The following FLT1 variants were observed in gnomAD, a reference collection of about 807,000 sequenced individuals.
FLT1 encodes fms related receptor tyrosine kinase 1, also known as vascular endothelial growth factor receptor 1.
Under a neutral mutation model 156.3 loss-of-function variants are expected in FLT1, and 49 were observed. The observed-to-expected ratio is 0.31, with a 90% CI of 0.25 to 0.40. The LOEUF (loss-of-function observed/expected upper bound fraction) is 0.40. FLT1 is among the 10% of genes least tolerant of loss of function. The pLI is 1.00. For missense variants in FLT1, 1,322 were observed against 1,637.2 expected (o/e 0.81, Z 3.32); for synonymous variants, 594 against 583.8 (o/e 1.02, Z -0.25).
intron 1 of FLT1, among the ~76,000 whole-genome samples, chr13:28,483,122 G>T (rs1880954687): frequency 6.6e-6 from 1 of 152,160 alleles, no homozygotes; most frequent in Admixed American, 6.5e-5. Context: ...TCAAAGAACA[G>T]CAGTGAACAA....
rs1280477832 is a variant in FLT1 at position 28,301,581 on chromosome 13, C to T, written c.*1586G>A. On this transcript the variant is annotated 3_prime_UTR_variant, in exon 30 of 30. Coordinates refer to ENST00000282397, the MANE Select transcript of FLT1 (RefSeq NM_002019.4). ...TTACATGGATAAAAGGAAGCATACT[C>T]TTCTCCCCAAGAAGCAGCAATCCAC... 4 of 233,304 alleles carry T rather than the reference C, an allele frequency of 1.7e-5. No homozygotes were observed. 14.5% of individuals were successfully genotyped at this position (233,304 alleles called of 1,614,324 possible).
chr13:28,320,507 C>T (rs951560559), intron 23 of FLT1, among the ~76,000 whole-genome samples: 4 of 151,650 alleles, frequency 2.6e-5, no homozygotes, highest in Admixed American at 6.6e-5. Context: ...GACACAAATT[C>T]GTAAACTTTC....
At chr13:28,404,723 T>G (rs1875674018) in intron 11 of FLT1, among the ~76,000 whole-genome samples, 1 of 152,148 alleles carries the variant, frequency 6.6e-6, no homozygotes, top group Non-Finnish European at 1.5e-5. Flanking sequence ...TGTTTTTTCT[T>G]TTTAAAAGAA....
At chr13:28,445,968 G>A (rs898675145) in intron 3 of FLT1, among the ~76,000 whole-genome samples, 4 of 151,850 alleles carry the variant, frequency 2.6e-5, no homozygotes, top group African/African-American at 7.3e-5. Flanking sequence ...ATGCCCAAGT[G>A]GGATTTTTTT....
chr13:28,386,841 A>T, intron 13 of FLT1: 1 of 1,049,014 alleles, frequency 9.5e-7, no homozygotes, highest in Non-Finnish European at 1.2e-6. Flanking sequence ...GAAATATCTC[A>T]TTTAAAACTC....
At chr13:28,380,899 A>C (rs1361848541) in intron 14 of FLT1, among the ~76,000 whole-genome samples, 1 of 152,182 alleles carries the variant, frequency 6.6e-6, no homozygotes, top group African/African-American at 2.4e-5. Flanking sequence ...CTGTGTGGTC[A>C]GAATTATCCC....
intron 29 of FLT1, among the ~76,000 whole-genome samples, chr13:28,306,355 C>A (rs2138806519): frequency 6.6e-6 from 1 of 152,348 alleles, no homozygotes; most frequent in East Asian, 1.9e-4. Context: ...TCCTCTCCCA[C>A]CGCCGGGAGC....
intron 13 of FLT1, chr13:28,387,632 G>A: frequency 9.4e-7 from 1 of 1,064,970 alleles, no homozygotes; most frequent in African/African-American, 1.6e-5. Flanking sequence ...GTTTGGAATG[G>A]GGACTGAGGA....
chr13:28,493,742 C>T (rs1287468004), intron 1 of FLT1, among the ~76,000 whole-genome samples: 1 of 152,236 alleles, frequency 6.6e-6, no homozygotes, highest in African/African-American at 2.4e-5. Flanking sequence ...AGTCCGAACC[C>T]TCAAGTTCCT....
At position 28,311,704 on chromosome 13, in the gene FLT1, G is replaced by A. The variant is rs2138813880; in HGVS notation, c.3521C>T (p.Ala1174Val). The A allele has an allele frequency of 6.2e-7, 1 of 1,613,848 alleles. No homozygotes were observed. The highest frequency in any genetic ancestry group is 8.5e-7 in the Non-Finnish European group (1 of 1,179,814). The change falls in exon 27 of 30, where the codon GCC becomes GTC. Residue 1174 changes from alanine to valine, a missense_variant. Transcript: ENST00000282397. The part of the protein sequence containing the change: ...QDGKDYIPIN[A>V]ILTGNSGFTY... ...AAACCCACTATTTCCTGTCAGTATGGCATTGATTGGGATGTAGTCTTTACC... is the reference window on the plus strand; with the variant it reads ...AAACCCACTATTTCCTGTCAGTATGACATTGATTGGGATGTAGTCTTTACC...
chr13:28,431,069 A>G, intron 7 of FLT1, 67 bp downstream of exon 7: 1 of 1,377,240 alleles, frequency 7.3e-7, no homozygotes, highest in Non-Finnish European at 1.0e-6. Context: ...TGACTTATTT[A>G]GAGAACACAG....
chr13:28,356,363 GGAA>G (rs1872901338), intron 15 of FLT1, among the ~76,000 whole-genome samples: 2 of 152,310 alleles, frequency 1.3e-5, no homozygotes, highest in Admixed American at 1.3e-4. Context: ...AGCTATCTGG[GGAA>G]GAAGGTGTTA....
intron 17 of FLT1, among the ~76,000 whole-genome samples, chr13:28,336,374 G>C (rs1872115867): frequency 6.6e-6 from 1 of 152,184 alleles, no homozygotes; most frequent in African/African-American, 2.4e-5. Context: ...AGTTTCAGGG[G>C]AGCCCAGTTG....
At chr13:28,348,288 C>T (rs1163145083) in intron 15 of FLT1, among the ~76,000 whole-genome samples, 1 of 152,206 alleles carries the variant, frequency 6.6e-6, no homozygotes. Flanking sequence ...TCCTATTACT[C>T]TTCTGTCTAA....
In FLT1 at chr13:28,467,666, CT is replaced by C. The variant is rs753400967; in HGVS notation, c.65-50del. On this transcript the variant is annotated intron_variant, in intron 1 of 29. Transcript: ENST00000282397. ...TATTATTTGTAAATTGTCTTCTTAC[CT>C]TTTTTTAAGTTATCTTTCCATGAAG... 26 of 1,045,336 alleles carry C rather than the reference CT, an allele frequency of 2.5e-5. No homozygotes were observed. In the East Asian group the frequency reaches 3.1e-4, roughly 13 times the overall value. 64.8% of individuals were successfully genotyped at this position (1,045,336 alleles called of 1,614,324 possible).
At chr13:28,419,221 C>T (rs1196093296) in intron 10 of FLT1, among the ~76,000 whole-genome samples, 1 of 152,126 alleles carries the variant, frequency 6.6e-6, no homozygotes, top group African/African-American at 2.4e-5. Flanking sequence ...CTTATCAATC[C>T]AACAGGTTCT....
chr13:28,442,965 T>C (rs1331839853), intron 3 of FLT1, among the ~76,000 whole-genome samples: 1 of 152,192 alleles, frequency 6.6e-6, no homozygotes, highest in African/African-American at 2.4e-5. Context: ...TGACTTCCAA[T>C]CCCAGCCAGC....
intron 12 of FLT1, among the ~76,000 whole-genome samples, chr13:28,395,982 G>C (rs1237893090): frequency 6.6e-6 from 1 of 152,224 alleles, no homozygotes; most frequent in African/African-American, 2.4e-5. Context: ...ATAAAGGACA[G>C]TGCAAACCTT....
At chr13:28,438,472 AC>A in intron 3 of FLT1, 127 bp from the exon 4 acceptor site, 1 of 738,378 alleles carries the variant, frequency 1.4e-6, no homozygotes, top group Non-Finnish European at 2.3e-6. Flanking sequence ...TGTAATCCAT[AC>A]ATTCACATCT....
Sources: allele counts gnomAD v4.1 joint callset (sites outside exome capture counted in the v4.1 genomes callset), GRCh38; gene constraint gnomAD v4.1.1; transcripts MANE v1.5; gene names NCBI Gene and HGNC (gene_info 2026-07-23, HGNC 2026-07-21).